The following SMARCC1 variants were observed in gnomAD, a reference collection of about 807,000 sequenced individuals.
SMARCC1 encodes SWI/SNF complex subunit SMARCC1.
SMARCC1 carries 43 observed loss-of-function variants against 147.4 expected under a neutral mutation model. The observed-to-expected ratio is 0.29, with a 90% confidence interval of 0.23 to 0.38. SMARCC1 has a LOEUF of 0.38. Ranked by LOEUF, SMARCC1 falls within the 10% of genes least tolerant of loss-of-function variation. The pLI, the probability that SMARCC1 is intolerant of heterozygous loss-of-function variation, is 1.00. For missense variants in SMARCC1, 1,119 were observed against 1,381.1 expected (o/e 0.81, Z 3.01); for synonymous variants, 495 against 484.4 (o/e 1.02, Z -0.29).
rs35435595 is a variant in SMARCC1, at chr3:47,753,325, C to CAA, written c.316-7334_316-7333dup. Among the ~76,000 whole-genome samples the CAA allele has an allele frequency of 2.3e-3, 209 of 92,826 alleles. 1 individual carries two copies. Among genetic ancestry groups the CAA allele is most frequent in the East Asian group, 7.2e-3 (24 of 3,320 alleles). 60.9% of individuals were successfully genotyped at this position (92,826 alleles called of 152,430 possible). On this transcript the variant is annotated intron_variant, in intron 2 of 27. Transcript: ENST00000254480. Reference sequence around the variant, plus strand: ...GGGCAACAGAGCGAGACTCCATCTCCAAAAAAAAAAAAAAAAGAAGAAAAG... The same window carrying CAA: ...GGGCAACAGAGCGAGACTCCATCTCCAAAAAAAAAAAAAAAAAAGAAGAAAAG...
At chr3:47,718,557 A>T (rs1329140145) in intron 7 of SMARCC1, among the ~76,000 whole-genome samples, 1 of 151,896 alleles carries the variant, frequency 6.6e-6, no homozygotes, top group African/African-American at 2.4e-5. Flanking sequence ...AGAAGAGGTT[A>T]AAAAAAAGTG....
Position 47,678,325 on chromosome 3 carries a change from G to T in SMARCC1, c.1458-14C>A. 1.4e-6 allele frequency: 2 copies of T among 1,396,722 alleles called. No individual in the cohort carries two copies. Among genetic ancestry groups the T allele is most frequent in the Non-Finnish European group, 2.0e-6 (2 of 997,480 alleles). The allele number at this position is 1,396,722 out of a possible 1,614,324, so 86.5% of individuals were successfully genotyped here. A position where few individuals can be genotyped will look rare whatever the true frequency, so the allele number is the denominator to read the frequency against. On this transcript the variant is annotated splice_polypyrimidine_tract_variant and intron_variant, in intron 15 of 27. Transcript: ENST00000254480. ...TATGCCAAGTATCTAAAAAGCAATG[G>T]CAAAATTCATAAGGTGGACATGTAT...
chr3:47,670,374 C>T (rs984296908), intron 19 of SMARCC1: 16 of 379,018 alleles, frequency 4.2e-5, no homozygotes, highest in African/African-American at 3.3e-4. Flanking sequence ...TGCTTGAGTC[C>T]AGGAGTTTGA....
At chr3:47,724,094 G>C (rs915718125) in intron 6 of SMARCC1, among the ~76,000 whole-genome samples, 1 of 152,092 alleles carries the variant, frequency 6.6e-6, no homozygotes, top group Non-Finnish European at 1.5e-5. Flanking sequence ...GCTATGAAAG[G>C]GTCCTCAAAA....
intron 10 of SMARCC1, among the ~76,000 whole-genome samples, chr3:47,702,909 T>G (rs927794310): frequency 2.0e-5 from 3 of 151,966 alleles, no homozygotes; most frequent in African/African-American, 7.3e-5. Context: ...CAAAAAGTTT[T>G]GTTTTCTTTT....
chr3:47,746,034 C>T (rs547528040), intron 2 of SMARCC1, 41 bp from the exon 3 acceptor site: 1 of 1,299,848 alleles, frequency 7.7e-7, no homozygotes, highest in East Asian at 2.4e-5. Flanking sequence ...AATAAAGCTT[C>T]TGACAAAATT....
chr3:47,694,429 T>C (rs1328591083), intron 11 of SMARCC1, among the ~76,000 whole-genome samples: 1 of 152,140 alleles, frequency 6.6e-6, no homozygotes, highest in East Asian at 1.9e-4. Flanking sequence ...GGTGAAATTC[T>C]GTCTGTACTA....
intron 1 of SMARCC1, among the ~76,000 whole-genome samples, chr3:47,773,604 C>T (rs888466737): frequency 6.6e-5 from 10 of 151,908 alleles, no homozygotes; most frequent in Admixed American, 3.3e-4. Context: ...TTCAATATCA[C>T]TTTGAGTAGC....
Position 47,590,730 on chromosome 3 carries a change from G to A in SMARCC1, c.3151C>T (p.Pro1051Ser), listed in dbSNP as rs763817551. ...IHPSGSGPTP[P>S]GMPPMPGNIL... is the part of the protein sequence containing the mutation. ...TTTCCTGGCATTGGTGGCATGCCAGGAGGGGTAGGGCCACTCCCAGAGGGG... is the reference window on the plus strand; with the variant it reads ...TTTCCTGGCATTGGTGGCATGCCAGAAGGGGTAGGGCCACTCCCAGAGGGG... Residue 1051 changes from proline to serine, a missense_variant, in exon 27 of 28, where the codon CCT becomes TCT. Pro to Ser is a moderately conservative substitution (Grantham distance 74, BLOSUM62 -1). Around this residue, in one of 6 missense-constraint regions of SMARCC1, gnomAD observed 186 missense variants for 216.5 expected, o/e 0.86. Transcript: ENST00000254480. The A allele has an allele frequency of 2.5e-6, 4 of 1,591,244 alleles. No individual in the cohort carries two copies. The highest frequency in any genetic ancestry group is 3.4e-6 in the Non-Finnish European group (4 of 1,171,736).
chr3:47,588,703 G>GCCCCCCCCCC (rs544157096), intron 27 of SMARCC1, among the ~76,000 whole-genome samples: 3 of 48,394 alleles, frequency 6.2e-5, no homozygotes, highest in Non-Finnish European at 8.3e-5. Flanking sequence ...TTTTCTTCCC[G>GCCCCCCCCCC]CCCCCCCCCC....
chr3:47,638,250 G>A (rs537246965), intron 22 of SMARCC1, among the ~76,000 whole-genome samples: 111 of 152,086 alleles, frequency 7.3e-4, no homozygotes, highest in African/African-American at 2.6e-3. Context: ...CCACCACCAC[G>A]CCTGGCTAAT....
Position 47,663,773 on chromosome 3 carries a change from C to T in SMARCC1, c.1900-1181G>A, listed in dbSNP as rs1156699837. 7 of 1,568,232 alleles carry T rather than the reference C, an allele frequency of 4.5e-6. No homozygotes were observed. In the East Asian group the frequency reaches 1.6e-4, roughly 35 times the overall value. On this transcript the variant is annotated intron_variant, in intron 19 of 27. Transcript: ENST00000254480. Reference sequence around the variant, plus strand: ...GAACCCGGTGGTACCCATAGGTTGCCTGGCCACGGCGGCCGCCCTCACCTA... The same window carrying T: ...GAACCCGGTGGTACCCATAGGTTGCTTGGCCACGGCGGCCGCCCTCACCTA...
chr3:47,683,115 T>A (rs953105104), intron 14 of SMARCC1, among the ~76,000 whole-genome samples: 10 of 152,250 alleles, frequency 6.6e-5, no homozygotes, highest in Non-Finnish European at 1.5e-4. Context: ...CGATCTCAGC[T>A]TACTGCAAGT....
chr3:47,670,864 C>G, intron 18 of SMARCC1, 147 bp from the exon 19 acceptor site: 1 of 634,950 alleles, frequency 1.6e-6, no homozygotes, highest in Non-Finnish European at 2.9e-6. Flanking sequence ...CTTTAAGGAG[C>G]CTAAACTTCT....
At chr3:47,598,526 T>C (rs953890288) in intron 26 of SMARCC1, among the ~76,000 whole-genome samples, 2 of 152,092 alleles carry the variant, frequency 1.3e-5, no homozygotes, top group African/African-American at 4.8e-5. Flanking sequence ...CCTGAGATTT[T>C]ATTGATTAAA....
chr3:47,650,278 A>ATAG, intron 21 of SMARCC1, among the ~76,000 whole-genome samples: 2 of 132,912 alleles, frequency 1.5e-5, no homozygotes, highest in Non-Finnish European at 3.3e-5. Context: ...TCTGTTTAAA[A>ATAG]TAATAATAAT....
At chr3:47,774,330 T>C (rs1314932939) in intron 1 of SMARCC1, among the ~76,000 whole-genome samples, 1 of 151,592 alleles carries the variant, frequency 6.6e-6, no homozygotes, top group Non-Finnish European at 1.5e-5. Flanking sequence ...TACAAAAAAT[T>C]AGCTGGGTGT....
intron 26 of SMARCC1, among the ~76,000 whole-genome samples, chr3:47,605,212 T>C (rs542147155): frequency 2.0e-5 from 3 of 152,324 alleles, no homozygotes; most frequent in Admixed American, 2.0e-4. Context: ...TATGATCCAC[T>C]CTTAGGTTCA....
At chr3:47,612,943 T>C (rs921472595) in intron 25 of SMARCC1, among the ~76,000 whole-genome samples, 1 of 152,216 alleles carries the variant, frequency 6.6e-6, no homozygotes, top group African/African-American at 2.4e-5. Flanking sequence ...CACCATGTAC[T>C]GGCCTCGTCA....
Sources: allele counts gnomAD v4.1 joint callset (sites outside exome capture counted in the v4.1 genomes callset), GRCh38; gene constraint gnomAD v4.1.1; regional missense constraint gnomAD v4.1.1; transcripts MANE v1.5; gene names NCBI Gene and HGNC (gene_info 2026-07-23, HGNC 2026-07-21).